The following SERPINB2 variants were observed in gnomAD, a reference collection of about 807,000 sequenced individuals.
SERPINB2 encodes the protein serpin family B member 2.
In SERPINB2, 28 loss-of-function variants were observed where a neutral mutation model predicts 39.4. The ratio of observed to expected loss-of-function variants is 0.71; its 90% CI spans 0.53 to 0.97. The LOEUF is 0.97. Ranked by LOEUF, SERPINB2 falls within the 50% of genes least tolerant of loss-of-function variation. SERPINB2 has a pLI of 0.00. For missense variants in SERPINB2, 557 were observed against 505.3 expected, an observed-to-expected ratio of 1.10 and a Z score of -0.98; for synonymous variants, 209 against 175.1, an observed-to-expected ratio of 1.19 and a Z score of -1.53.
rs147714663 is a variant in SERPINB2, at chr18:63,893,206, G to C, written c.168+1594G>C. Among the ~76,000 whole-genome samples the C allele has an allele frequency of 4.0e-3, 606 of 152,324 alleles. 2 individuals are homozygous for C. Among genetic ancestry groups the C allele is most frequent in the Non-Finnish European group, 7.3e-3 (499 of 68,028 alleles). On this transcript the variant is annotated intron_variant, in intron 2 of 7. Coordinates refer to ENST00000299502, the MANE Select transcript of SERPINB2 (RefSeq NM_002575.3). ...GCCTCCCAAAGTGCTGGGATTATAG[G>C]CGTGAGCCAGTGCACCCGGCCTAGG...
At chr18:63,900,374 G>A (rs2049984099) in intron 5 of SERPINB2, among the ~76,000 whole-genome samples, 1 of 152,134 alleles carries the variant, frequency 6.6e-6, no homozygotes, top group Non-Finnish European at 1.5e-5. Flanking sequence ...TCCAAAGTGG[G>A]GCTTAGCCTT....
At chr18:63,889,183 C>T (rs1031268535) in intron 1 of SERPINB2, among the ~76,000 whole-genome samples, 1 of 152,074 alleles carries the variant, frequency 6.6e-6, no homozygotes, top group Non-Finnish European at 1.5e-5. Flanking sequence ...GGTAATTATG[C>T]AAATTGAAAA....
rs749692860 is a variant in SERPINB2 at position 63,903,314 on chromosome 18, G to A, written c.*9G>A. 10 of 1,476,750 alleles carry A rather than the reference G, an allele frequency of 6.8e-6. No individual in the cohort carries two copies. Among genetic ancestry groups the A allele is most frequent in the Middle Eastern group, 1.8e-4 (1 of 5,506 alleles). The allele number at this position is 1,476,750 out of a possible 1,614,324, so 91.5% of individuals were successfully genotyped here. On this transcript the variant is annotated 3_prime_UTR_variant, in exon 8 of 8. Transcript: ENST00000299502. Reference sequence around the variant, plus strand: ...GATTTTCCTCACCCTAAAACTAAGCGTGCTGCTTCTGCAAAAGATTTTTGT... The same window carrying A: ...GATTTTCCTCACCCTAAAACTAAGCATGCTGCTTCTGCAAAAGATTTTTGT...
intron 2 of SERPINB2, among the ~76,000 whole-genome samples, chr18:63,893,180 G>A (rs933481541): frequency 3.3e-5 from 5 of 152,112 alleles, no homozygotes; most frequent in African/African-American, 7.2e-5. Context: ...CACCTGCCTC[G>A]GCCTCCCAAA....
In SERPINB2 at chr18:63,903,226, C is replaced by A; in HGVS notation, c.1169C>A (p.Ala390Glu). Residue 390 changes from alanine to glutamate, a missense_variant, in exon 8 of 8, where the codon GCA (alanine) becomes GAA (glutamate). Transcript: ENST00000299502. ...RTGHGGPQFV[A>E]DHPFLFLIMH... ...GGACATGGAGGCCCACAGTTTGTGG[C>A]AGATCATCCTTTTCTTTTTCTTATT... is the stretch of plus-strand genomic sequence containing the variant. 6.2e-7 allele frequency: 1 copy of A among 1,601,520 alleles called. No individual in the cohort carries two copies. The highest frequency in any genetic ancestry group is 1.8e-5 in the Admixed American group (1 of 56,442).
Position 63,891,494 on chromosome 18 carries a change from A to G in SERPINB2, c.50A>G (p.Lys17Arg). The change falls in exon 2 of 8, where the codon AAG (lysine) becomes AGG (arginine). Residue 17 changes from lysine to arginine, a missense_variant. By Grantham distance (26) the Lys-to-Arg change is conservative. Coordinates refer to ENST00000299502, the MANE Select transcript of SERPINB2 (RefSeq NM_002575.3). The stretch of plus-strand genomic sequence containing the variant: ...ACACTCTTTGCCCTCAATTTATTCA[A>G]GCATCTGGCAAAAGCAAGCCCCACC... ...ANTLFALNLF[K>R]HLAKASPTQN... 1.2e-6 allele frequency: 2 copies of G among 1,614,142 alleles called. No homozygotes were observed. The highest frequency in any genetic ancestry group is 1.6e-4 in the Middle Eastern group (1 of 6,062).
chr18:63,902,287 T>G, intron 6 of SERPINB2, 117 bp from the exon 7 acceptor site: 1 of 899,388 alleles, frequency 1.1e-6, no homozygotes, highest in Non-Finnish European at 1.6e-6. Flanking sequence ...ATTTTGTTGA[T>G]TTAAAAAAAT....
In SERPINB2 at chr18:63,902,585, TTTAAGTTTCTGGGGC is replaced by T. The variant is rs200726702; in HGVS notation, c.843+19_843+33del. On this transcript the variant is annotated intron_variant, in intron 7 of 7. Transcript: ENST00000299502. ...TTGGAGCTGGTAAGACATTCAGATA[TTTAAGTTTCTGGGGC>T]TATACCTACCTTTCGTGAGATGAGA... The T allele has an allele frequency of 0.24, 384,216 of 1,590,950 alleles. 50,249 individuals are homozygous for T. Among genetic ancestry groups the T allele is most frequent in the East Asian group, 0.41 (18,360 of 44,550 alleles).
intron 1 of SERPINB2, among the ~76,000 whole-genome samples, chr18:63,891,207 T>C (rs772930044): frequency 2.6e-5 from 4 of 152,104 alleles, no homozygotes; most frequent in Non-Finnish European, 5.9e-5. Context: ...TTATCAAGAA[T>C]TTCAAGATGG....
At position 63,902,397 on chromosome 18, in the gene SERPINB2, A is replaced by T; in HGVS notation, c.679-7A>T. ...GACTTCCATATTTTACCTTTTAATA[A>T]TATTAGGCTCAGCGCACACCTGTAC... On this transcript the variant is annotated splice_region_variant and splice_polypyrimidine_tract_variant and intron_variant, in intron 6 of 7. Coordinates refer to ENST00000299502, the MANE Select transcript of SERPINB2 (RefSeq NM_002575.3). 1 of 1,549,834 alleles carries T rather than the reference A, an allele frequency of 6.5e-7. No homozygotes were observed. The highest frequency in any genetic ancestry group is 8.7e-7 in the Non-Finnish European group (1 of 1,148,258).
chr18:63,902,866 T>G (rs776014172), intron 7 of SERPINB2, 35 bp from the exon 8 acceptor site: 1 of 1,510,776 alleles, frequency 6.6e-7, no homozygotes, highest in Non-Finnish European at 8.8e-7. Flanking sequence ...TTGCTGTATT[T>G]TCTTTTGTTT....
chr18:63,893,927 C>A (rs2144698230), intron 2 of SERPINB2, among the ~76,000 whole-genome samples: 1 of 152,276 alleles, frequency 6.6e-6, no homozygotes, highest in Admixed American at 6.5e-5. Flanking sequence ...ATTGCTGTAG[C>A]TGTTAGAAGT....
Position 63,902,597 on chromosome 18 carries a change from G to A in SERPINB2, c.843+29G>A, listed in dbSNP as rs374283972. ...AGACATTCAGATATTTAAGTTTCTG[G>A]GGCTATACCTACCTTTCGTGAGATG... On this transcript the variant is annotated intron_variant, in intron 7 of 7. Coordinates refer to ENST00000299502, the MANE Select transcript of SERPINB2 (RefSeq NM_002575.3). The A allele has an allele frequency of 2.4e-4, 223 of 913,582 alleles. 1 individual carries two copies. The African/African-American group carries it at 6.6e-3, about 27-fold the overall frequency. The allele number at this position is 913,582 out of a possible 1,614,324, so 56.6% of individuals were successfully genotyped here. A position where few individuals can be genotyped will look rare whatever the true frequency, so the allele number is the denominator to read the frequency against.
intron 5 of SERPINB2, among the ~76,000 whole-genome samples, chr18:63,899,660 GGT>G (rs1568237484): frequency 6.6e-6 from 1 of 152,092 alleles, no homozygotes; most frequent in African/African-American, 2.4e-5. Flanking sequence ...CACTGGTAGC[GGT>G]AAAGCCAGGG....
chr18:63,896,663 A>G (rs2049961319), intron 3 of SERPINB2, among the ~76,000 whole-genome samples: 1 of 152,234 alleles, frequency 6.6e-6, no homozygotes, highest in African/African-American at 2.4e-5. Context: ...TATATTCTTC[A>G]CAAATTTCAA....
rs1329263056 is a variant in SERPINB2, at chr18:63,895,213, T to C, written c.169-51T>C. ...ACCTGATAGCCATCTGTTTTAAAAG[T>C]TCAGTAAATCCGTGGGCAAGTGTAA... On this transcript the variant is annotated intron_variant, in intron 2 of 7. Coordinates refer to ENST00000299502, the MANE Select transcript of SERPINB2 (RefSeq NM_002575.3). 7 of 1,601,752 alleles carry C rather than the reference T, an allele frequency of 4.4e-6. No individual in the cohort carries two copies. In the African/African-American group the frequency reaches 8.1e-5, roughly 19 times the overall value.
intron 3 of SERPINB2, among the ~76,000 whole-genome samples, chr18:63,896,231 T>C (rs1532886): frequency 0.37 from 55,912 of 152,056 alleles, 12,952 homozygotes; most frequent in African/African-American, 0.64. Flanking sequence ...AGGTGTTCTG[T>C]GGTACCTGGC....
chr18:63,897,354 C>T (rs1222753520), intron 4 of SERPINB2, 135 bp downstream of exon 4: 10 of 1,014,700 alleles, frequency 9.9e-6, no homozygotes, highest in East Asian at 5.3e-5. Flanking sequence ...GCTGGCCTTG[C>T]GTAACAGCTG....
At chr18:63,890,458 A>C (rs765569026) in intron 1 of SERPINB2, 1 of 152,218 alleles carries the variant, frequency 6.6e-6, no homozygotes, top group Non-Finnish European at 1.5e-5. Flanking sequence ...ATTATCGGGT[A>C]TGTTGCAAGC....
Sources: allele counts gnomAD v4.1 joint callset (sites outside exome capture counted in the v4.1 genomes callset), GRCh38; gene constraint gnomAD v4.1.1; transcripts MANE v1.5; gene names NCBI Gene and HGNC (gene_info 2026-07-23, HGNC 2026-07-21).